SLCO3A1: variants seen among roughly 807,000 people sequenced by gnomAD.
The protein encoded by SLCO3A1 is PGE1 transporter.
In SLCO3A1, 27 loss-of-function variants were observed where a neutral mutation model predicts 63.1. That is an observed-to-expected ratio of 0.43 (90% confidence interval 0.32 to 0.59). The LOEUF (loss-of-function observed/expected upper bound fraction) is 0.59. Among genes scored for constraint, SLCO3A1 ranks in the 20% least tolerant of loss-of-function variants. The pLI, the probability that SLCO3A1 is intolerant of heterozygous loss-of-function variation, is 0.09. For missense variants in SLCO3A1, 773 were observed against 945.8 expected (o/e 0.82, Z 2.40); for synonymous variants, 473 against 409.9 (o/e 1.15, Z -1.86).
chr15:91,943,281 C>G (rs1053025562), intron 2 of SLCO3A1, among the ~76,000 whole-genome samples: 3 of 152,288 alleles, frequency 2.0e-5, no homozygotes. Context: ...GTGCTTCCTT[C>G]TGTCTCTGTG....
intron 3 of SLCO3A1, among the ~76,000 whole-genome samples, chr15:92,103,680 A>T (rs2047632720): frequency 6.6e-6 from 1 of 151,968 alleles, no homozygotes; most frequent in Non-Finnish European, 1.5e-5. Flanking sequence ...ATCATCCTAG[A>T]TGTTATACAG....
chr15:92,157,222 C>T, intron 9 of SLCO3A1: 1 of 152,198 alleles, frequency 6.6e-6, no homozygotes, highest in East Asian at 1.9e-4. Flanking sequence ...GCTTCATCCA[C>T]AAGTTCCTGC....
intron 2 of SLCO3A1, among the ~76,000 whole-genome samples, chr15:92,093,530 T>A (rs1487134969): frequency 6.6e-6 from 1 of 152,214 alleles, no homozygotes; most frequent in African/African-American, 2.4e-5. Flanking sequence ...ATGCAAACTA[T>A]ATTACGCGGC....
intron 4 of SLCO3A1, among the ~76,000 whole-genome samples, chr15:92,105,176 G>A (rs1036998308): frequency 9.2e-5 from 14 of 152,192 alleles, no homozygotes; most frequent in African/African-American, 3.1e-4. Flanking sequence ...TGAGGCAGGA[G>A]AATCGCTTGA....
rs1295944175 is a variant in SLCO3A1, at chr15:91,887,716, G to A, written c.181-28277G>A. Among the ~76,000 whole-genome samples the A allele has an allele frequency of 5.9e-5, 9 of 152,276 alleles. No individual in the cohort carries two copies. The East Asian group carries it at 1.4e-3, about 23-fold the overall frequency. On this transcript the variant is annotated intron_variant, in intron 1 of 9. Transcript: ENST00000318445. ...TGTGTCTTTTTGATGAAAGATATTC[G>A]AGGTAGCCACATGGTTTAATAAAAC...
At chr15:92,001,951 A>G (rs1165858845) in intron 2 of SLCO3A1, among the ~76,000 whole-genome samples, 3 of 149,616 alleles carry the variant, frequency 2.0e-5, no homozygotes, top group Admixed American at 6.8e-5. Flanking sequence ...CTTTGCCTAG[A>G]GAGATACCTG....
intron 2 of SLCO3A1, among the ~76,000 whole-genome samples, chr15:92,016,254 T>TAGATTGATTAGATAGATAGA: frequency 0.017 from 1,592 of 95,694 alleles, 11 homozygotes; most frequent in Non-Finnish European, 0.027. Flanking sequence ...GATAGATAGA[T>TAGATTGATTAGATAGATAGA]TAGATAGATA....
intron 2 of SLCO3A1, among the ~76,000 whole-genome samples, chr15:92,079,424 G>A (rs1207407471): frequency 6.6e-6 from 1 of 152,186 alleles, no homozygotes; most frequent in South Asian, 2.1e-4. Context: ...TGTTGGCCAT[G>A]GGTCTCTTAA....
At chr15:91,914,567 CTTTT>C (rs556314311) in intron 1 of SLCO3A1, among the ~76,000 whole-genome samples, 2 of 122,268 alleles carry the variant, frequency 1.6e-5, no homozygotes, top group East Asian at 2.4e-4. Flanking sequence ...TATTTTCTTC[CTTTT>C]TTTTTTTTTT....
rs1899629979 is a variant in SLCO3A1, at chr15:91,941,734, T to C, written c.646+25276T>C. ...TTTTTATGTTTAAAATATCTTCTAT[T>C]CATTAACCTTCATGGAGCTTGTCTG... is the stretch of plus-strand genomic sequence containing the variant. On this transcript the variant is annotated intron_variant, in intron 2 of 9. Transcript: ENST00000318445. The surrounding 1 kb of genome is among the most constrained non-coding windows in gnomAD (Gnocchi z 4.4). 6.6e-6 allele frequency among the ~76,000 whole-genome samples: 1 copy of C among 152,250 alleles called. No homozygotes were observed. The highest frequency in any genetic ancestry group is 1.9e-4 in the East Asian group (1 of 5,204).
At chr15:92,101,348 A>C (rs1008517536) in intron 3 of SLCO3A1, among the ~76,000 whole-genome samples, 1 of 152,100 alleles carries the variant, frequency 6.6e-6, no homozygotes, top group Admixed American at 6.5e-5. Context: ...ATCTCTACCA[A>C]AAGTACAAAA....
intron 2 of SLCO3A1, among the ~76,000 whole-genome samples, chr15:91,928,484 C>T (rs1899111735): frequency 6.6e-6 from 1 of 152,118 alleles, no homozygotes; most frequent in African/African-American, 2.4e-5. Flanking sequence ...TTATCTTTCC[C>T]ATCGTATGCT....
At chr15:91,909,047 C>T (rs184073659) in intron 1 of SLCO3A1, among the ~76,000 whole-genome samples, 65 of 152,224 alleles carry the variant, frequency 4.3e-4, no homozygotes, top group Middle Eastern at 3.4e-3. Flanking sequence ...CGCAACAGAG[C>T]GCGACTCTGT....
At chr15:92,016,003 G>A (rs1050777893) in intron 2 of SLCO3A1, among the ~76,000 whole-genome samples, 4 of 152,172 alleles carry the variant, frequency 2.6e-5, no homozygotes, top group African/African-American at 4.8e-5. Flanking sequence ...GAGGATTAAA[G>A]TAGTGGGCAG....
intron 2 of SLCO3A1, among the ~76,000 whole-genome samples, chr15:92,034,356 G>A (rs1050192841): frequency 2.2e-5 from 2 of 89,780 alleles, no homozygotes; most frequent in Admixed American, 1.9e-4. Context: ...AGGCTGGGGT[G>A]GGGTGTTTGG....
At chr15:91,994,496 A>C (rs548843330) in intron 2 of SLCO3A1, among the ~76,000 whole-genome samples, 1 of 152,344 alleles carries the variant, frequency 6.6e-6, no homozygotes, top group Non-Finnish European at 1.5e-5. Context: ...CAGCCTGGCC[A>C]GAGTCCATGC....
intron 2 of SLCO3A1, among the ~76,000 whole-genome samples, chr15:92,072,735 C>G (rs533348747): frequency 8.5e-4 from 130 of 152,134 alleles, no homozygotes; most frequent in Admixed American, 2.1e-3. Context: ...TGTGGCTTTA[C>G]TGGCATCCTC....
intron 3 of SLCO3A1, among the ~76,000 whole-genome samples, chr15:92,099,647 A>G (rs1401751660): frequency 1.3e-5 from 2 of 152,274 alleles, no homozygotes; most frequent in East Asian, 3.9e-4. Flanking sequence ...TGAGCCTCCT[A>G]GTTCAGTTAA....
In SLCO3A1 at chr15:91,862,573, A is replaced by G. The variant is rs935390164; in HGVS notation, c.180+8485A>G. Among the ~76,000 whole-genome samples, 4 of 152,208 alleles carry G rather than the reference A, an allele frequency of 2.6e-5. No homozygotes were observed. Among genetic ancestry groups the G allele is most frequent in the African/African-American group, 7.2e-5 (3 of 41,454 alleles). ...GTCTGGATAATGAACCTGTTCAGATAGGCCTTGAGACTTTCTTGGTAGCTC... is the reference window on the plus strand; with the variant it reads ...GTCTGGATAATGAACCTGTTCAGATGGGCCTTGAGACTTTCTTGGTAGCTC... On this transcript the variant is annotated intron_variant, in intron 1 of 9. Transcript: ENST00000318445. This position sits in a 1 kb window ranked among gnomAD's most constrained non-coding sequence, Gnocchi z 4.0.
Sources: gnomAD v4.1 joint callset for allele counts (sites outside exome capture counted in the v4.1 genomes callset) on GRCh38, gnomAD v4.1.1 for gene constraint, Gnocchi (gnomAD v3.1) non-coding constraint, MANE v1.5 for transcripts, NCBI Gene and HGNC (gene_info 2026-07-23, HGNC 2026-07-21) for gene names.